Variants in TAS1R1 observed in about 807,000 individuals in gnomAD.
TAS1R1 encodes the protein taste receptor type 1 member 1.
In TAS1R1, 31 loss-of-function variants were observed where a neutral mutation model predicts 45.8. The observed-to-expected ratio is 0.68, with a 90% confidence interval of 0.51 to 0.91. The LOEUF (loss-of-function observed/expected upper bound fraction) is 0.91, where lower values mean the gene tolerates loss of function less well. Ranked by LOEUF, TAS1R1 falls within the 40% of genes least tolerant of loss-of-function variation. The pLI, the probability that TAS1R1 is intolerant of heterozygous loss-of-function variation, is 0.00. For synonymous variants in TAS1R1, 437 were observed against 448.4 expected, an observed-to-expected ratio of 0.97 and a Z score of 0.32; for missense variants, 1,051 against 1,063.9, an observed-to-expected ratio of 0.99 and a Z score of 0.17.
At chr1:6,558,265 T>G (rs899905078) in intron 1 of TAS1R1, among the ~76,000 whole-genome samples, 2 of 152,022 alleles carry the variant, frequency 1.3e-5, no homozygotes, top group Non-Finnish European at 2.9e-5. Context: ...CTCAAATTCT[T>G]GAGCTCAAGC....
At chr1:6,573,317 C>T (rs1570126068) in intron 2 of TAS1R1, among the ~76,000 whole-genome samples, 2 of 152,202 alleles carry the variant, frequency 1.3e-5, no homozygotes, top group South Asian at 2.1e-4. Flanking sequence ...ATTAGCCAGG[C>T]GTGGTGGCAG....
At chr1:6,560,731 C>T (rs964763392) in intron 1 of TAS1R1, among the ~76,000 whole-genome samples, 1 of 152,114 alleles carries the variant, frequency 6.6e-6, no homozygotes. Flanking sequence ...GCCTGTAATC[C>T]CAGCACTTTG....
In TAS1R1 at chr1:6,576,974, G is replaced by A. The variant is rs780194660; in HGVS notation, c.1498G>A (p.Asp500Asn). The A allele has an allele frequency of 1.2e-5, 19 of 1,614,120 alleles. No homozygotes were observed. Among genetic ancestry groups the A allele is most frequent in the East Asian group, 2.2e-5 (1 of 44,904 alleles). The change falls in exon 5 of 6, where the codon GAC becomes AAC. Residue 500 changes from aspartate to asparagine, a missense_variant. Asp to Asn is a conservative substitution (Grantham distance 23). Transcript: ENST00000333172. Reference protein sequence around the residue: ...NQVPKSVCSSDCLEGHQRVVT... With the variant: ...NQVPKSVCSSNCLEGHQRVVT... ...GGTGCCTAAGTCTGTGTGTTCCAGC[G>A]ACTGTCTTGAAGGGCACCAGCGAGT...
At chr1:6,572,414 C>G (rs922001636) in intron 2 of TAS1R1, among the ~76,000 whole-genome samples, 28 of 152,044 alleles carry the variant, frequency 1.8e-4, no homozygotes, top group African/African-American at 5.8e-4. Flanking sequence ...CATGTGCCAC[C>G]ATGCCTGGCT....
At chr1:6,567,594 C>G (rs1186238230) in intron 1 of TAS1R1, among the ~76,000 whole-genome samples, 1 of 151,752 alleles carries the variant, frequency 6.6e-6, no homozygotes, top group East Asian at 1.9e-4. Flanking sequence ...ATCGGCTTAC[C>G]TGATACTAGC....
intron 1 of TAS1R1, among the ~76,000 whole-genome samples, chr1:6,569,859 G>A (rs1639964831): frequency 6.6e-6 from 1 of 152,062 alleles, no homozygotes; most frequent in African/African-American, 2.4e-5. Flanking sequence ...ACTCACCCTC[G>A]CAGAAGCTCT....
chr1:6,571,294 C>G, intron 2 of TAS1R1, 79 bp downstream of exon 2: 2 of 1,280,342 alleles, frequency 1.6e-6, no homozygotes, highest in South Asian at 3.0e-5. Flanking sequence ...AGCTGCTGTC[C>G]CCCCCAAGGC....
chr1:6,572,990 C>T (rs1640056784), intron 2 of TAS1R1, among the ~76,000 whole-genome samples: 1 of 152,204 alleles, frequency 6.6e-6, no homozygotes, highest in South Asian at 2.1e-4. Context: ...TGCTCCCCAC[C>T]TTTCATCCTT....
rs574821065 is a variant in TAS1R1 at position 6,574,376 on chromosome 1, G to A, written c.499-255G>A. Among the ~76,000 whole-genome samples the A allele has an allele frequency of 1.1e-4, 16 of 152,242 alleles. No individual in the cohort carries two copies. Among genetic ancestry groups the A allele is most frequent in the South Asian group, 6.2e-4 (3 of 4,824 alleles). ...GTCCCTGAAGGTCCCCAAACACACG[G>A]GACTATTTCACTCCTATGCAGGTTT... On this transcript the variant is annotated intron_variant, in intron 2 of 5. Transcript: ENST00000333172. This position sits in a 1 kb window ranked among gnomAD's most constrained non-coding sequence, Gnocchi z 4.3.
intron 1 of TAS1R1, among the ~76,000 whole-genome samples, chr1:6,557,745 G>GT (rs1424676093): frequency 2.6e-5 from 4 of 152,146 alleles, no homozygotes; most frequent in Non-Finnish European, 5.9e-5. Flanking sequence ...TTACAAAAAA[G>GT]TTTTTTTGAG....
At position 6,578,758 on chromosome 1, in the gene TAS1R1, C is replaced by G; in HGVS notation, c.1700C>G (p.Ser567Cys). 1 of 1,614,148 alleles carries G rather than the reference C, an allele frequency of 6.2e-7. No individual in the cohort carries two copies. The highest frequency in any genetic ancestry group is 1.1e-5 in the South Asian group (1 of 91,074). Residue 567 changes from serine (S) to cysteine (C), a missense_variant, in exon 6 of 6, where the codon TCT (serine) becomes TGT (cysteine). Ser to Cys is a moderately radical substitution (Grantham distance 112). Transcript: ENST00000333172. Reference protein sequence around the residue: ...VVFLALREHTSWVLLAANTLL... With the variant: ...VVFLALREHTCWVLLAANTLL... ...TTTTTGGCTTTGCGTGAGCACACCT[C>G]TTGGGTGCTGCTGGCAGCTAACACG...
At chr1:6,562,191 C>T (rs532452500) in intron 1 of TAS1R1, among the ~76,000 whole-genome samples, 20 of 152,292 alleles carry the variant, frequency 1.3e-4, no homozygotes, top group African/African-American at 4.6e-4. Flanking sequence ...GTTTTTGAGA[C>T]GGAGTCTCAC....
intron 4 of TAS1R1, 125 bp from the exon 5 acceptor site, chr1:6,576,825 C>G: frequency 1.3e-6 from 2 of 1,514,938 alleles, no homozygotes. Context: ...GAAGTTCACA[C>G]GACCAGGGGC....
rs75230848 is a variant in TAS1R1, at chr1:6,567,195, C to T, written c.192-3714C>T. ...TAAGAGGTCTGGTGGCACATGGACG[C>T]GAGATGAATCTGTCAATCCCCACAA... On this transcript the variant is annotated intron_variant, in intron 1 of 5. Coordinates refer to ENST00000333172, the MANE Select transcript of TAS1R1 (RefSeq NM_138697.4). Among the ~76,000 whole-genome samples, 1,948 of 152,192 alleles carry T rather than the reference C, an allele frequency of 0.013. 184 individuals are homozygous for T. In the East Asian group the frequency reaches 0.26, roughly 20 times the overall value.
At chr1:6,575,788 G>T (rs1013403237) in intron 3 of TAS1R1, among the ~76,000 whole-genome samples, 1 of 151,130 alleles carries the variant, frequency 6.6e-6, no homozygotes, top group African/African-American at 2.4e-5. Context: ...CGCCTCCCAG[G>T]TTCACTCCAT....
chr1:6,577,424 A>G (rs1359293222), intron 5 of TAS1R1, among the ~76,000 whole-genome samples: 1 of 151,466 alleles, frequency 6.6e-6, no homozygotes, highest in Non-Finnish European at 1.5e-5. Context: ...AATCCCAGCT[A>G]CTCGGGAGGC....
intron 1 of TAS1R1, among the ~76,000 whole-genome samples, chr1:6,557,029 A>C (rs957522587): frequency 9.9e-5 from 13 of 131,346 alleles, no homozygotes; most frequent in South Asian, 5.1e-4. Flanking sequence ...AAAAAAAAAA[A>C]GACGAAGACA....
intron 5 of TAS1R1, 58 bp downstream of exon 5, chr1:6,577,128 G>GGGA: frequency 6.2e-7 from 1 of 1,606,334 alleles, no homozygotes; most frequent in Non-Finnish European, 8.5e-7. Flanking sequence ...GCACGGTGGA[G>GGGA]GGAGGGCCTC....
At position 6,579,630 on chromosome 1, in the gene TAS1R1, G is replaced by T. The variant is rs756252043; in HGVS notation, c.*46G>T. 2.7e-4 allele frequency: 428 copies of T among 1,557,148 alleles called. 1 individual carries two copies. The highest frequency in any genetic ancestry group is 3.4e-4 in the Non-Finnish European group (399 of 1,157,106). ...GCTGGCAGCCTTCTCTGCCCTGAGG[G>T]TCGAAGGTCGAGCAGGCCGGGGGTG... On this transcript the variant is annotated 3_prime_UTR_variant, in exon 6 of 6. Transcript: ENST00000333172.
Sources: gnomAD v4.1 joint callset for allele counts (sites outside exome capture counted in the v4.1 genomes callset) on GRCh38, gnomAD v4.1.1 for gene constraint, Gnocchi (gnomAD v3.1) non-coding constraint, MANE v1.5 for transcripts, NCBI Gene and HGNC (gene_info 2026-07-23, HGNC 2026-07-21) for gene names.